Variants in RORB observed in about 807,000 individuals in gnomAD.
The protein encoded by RORB is RAR related orphan receptor B.
A neutral mutation model predicts 59.1 loss-of-function variants in RORB; 6 were observed. That is an observed-to-expected ratio of 0.10 (90% CI 0.06 to 0.20). The LOEUF (loss-of-function observed/expected upper bound fraction) is 0.20, where lower values mean the gene tolerates loss of function less well. RORB is among the 10% of genes least tolerant of loss of function. The pLI is 1.00. For missense variants in RORB, 320 were observed against 560.5 expected (o/e 0.57, Z 4.33); for synonymous variants, 215 against 204.5 (o/e 1.05, Z -0.44).
rs779457952 is a variant in RORB at position 74,667,835 on chromosome 9, T to C, written c.1045T>C (p.Leu349=). 29 of 1,613,606 alleles carry C rather than the reference T, an allele frequency of 1.8e-5. No individual in the cohort carries two copies. The East Asian group carries it at 5.8e-4, about 32-fold the overall frequency. The change falls in exon 8 of 10, where the codon TTG becomes CTG. Residue 349 remains leucine (L), a synonymous_variant. Transcript: ENST00000376896. The part of the protein sequence containing the change: ...VNEAFDFAKN[L]CSLQLTEEEI... The stretch of plus-strand genomic sequence containing the variant: ...TGAAGCATTTGACTTTGCAAAGAAT[T>C]TGTGTTCCTTGCAGCTGACCGAGGA...
At chr9:74,609,373 G>A (rs1248148236) in intron 1 of RORB, among the ~76,000 whole-genome samples, 1 of 151,974 alleles carries the variant, frequency 6.6e-6, no homozygotes, top group Admixed American at 6.6e-5. Context: ...GTTGACCCTA[G>A]GAGGTAATGA....
intron 9 of RORB, among the ~76,000 whole-genome samples, chr9:74,672,963 A>G (rs915940522): frequency 2.6e-5 from 4 of 152,218 alleles, no homozygotes; most frequent in Non-Finnish European, 5.9e-5. Flanking sequence ...TTTACTTTGC[A>G]CATACAGAGT....
In RORB at chr9:74,690,690, T is replaced by G. The variant is rs893822780; in HGVS notation, c.*5072T>G. On this transcript the variant is annotated 3_prime_UTR_variant, in exon 10 of 10. Coordinates refer to ENST00000376896, the MANE Select transcript of RORB (RefSeq NM_006914.4). ...TAGTTTTGGAAGGAGGGGATGGAGA[T>G]CTTCCCCTTCTAATACTCAATTTTG... The G allele has an allele frequency of 2.0e-5, 3 of 152,156 alleles. No homozygotes were observed. Among genetic ancestry groups the G allele is most frequent in the Non-Finnish European group, 4.4e-5 (3 of 68,020 alleles). The allele number at this position is 152,156 out of a possible 1,614,324, so 9.4% of individuals were successfully genotyped here.
chr9:74,686,518 C>T lies in RORB; in HGVS notation c.*900C>T, dbSNP rs1824648891. The T allele has an allele frequency of 6.6e-6, 1 of 152,188 alleles. No individual in the cohort carries two copies. The highest frequency in any genetic ancestry group is 1.5e-5 in the Non-Finnish European group (1 of 68,032). 9.4% of individuals were successfully genotyped at this position (152,188 alleles called of 1,614,324 possible). ...CAAACAGTAGATATTTTCTATTTTTCACCAGAACACATAAAAACACTTTTT... is the reference window on the plus strand; with the variant it reads ...CAAACAGTAGATATTTTCTATTTTTTACCAGAACACATAAAAACACTTTTT... On this transcript the variant is annotated 3_prime_UTR_variant, in exon 10 of 10. Transcript: ENST00000376896.
intron 1 of RORB, among the ~76,000 whole-genome samples, chr9:74,629,763 T>C (rs1264443426): frequency 1.3e-5 from 2 of 152,198 alleles, no homozygotes; most frequent in Non-Finnish European, 2.9e-5. Context: ...CAGTAAATAT[T>C]GGACTGATTT....
chr9:74,609,302 A>G (rs1179200005), intron 1 of RORB, among the ~76,000 whole-genome samples: 2 of 152,156 alleles, frequency 1.3e-5, no homozygotes, highest in Non-Finnish European at 2.9e-5. Context: ...TAGAAACAGA[A>G]CCCTCTTCTA....
intron 1 of RORB, among the ~76,000 whole-genome samples, chr9:74,582,543 TG>T (rs1184734817): frequency 6.6e-6 from 1 of 152,212 alleles, no homozygotes; most frequent in East Asian, 1.9e-4. Flanking sequence ...AGTGTTGTTT[TG>T]TTTGGCCCTT....
At chr9:74,672,046 A>C (rs1824355115) in intron 9 of RORB, 145 bp downstream of exon 9, 1 of 547,866 alleles carries the variant, frequency 1.8e-6, no homozygotes. Flanking sequence ...TATGCAATTT[A>C]AAAGAGAGGC....
At chr9:74,580,639 C>T (rs758215435) in intron 1 of RORB, among the ~76,000 whole-genome samples, 15 of 151,966 alleles carry the variant, frequency 9.9e-5, no homozygotes, top group East Asian at 3.9e-4. Context: ...GGAATTAAGG[C>T]CATCAAAATA....
intron 1 of RORB, among the ~76,000 whole-genome samples, chr9:74,516,923 C>A (rs939250935): frequency 5.9e-5 from 9 of 151,924 alleles, no homozygotes; most frequent in Non-Finnish European, 1.5e-5. Context: ...TATTATTATA[C>A]CCATTGTGTT....
chr9:74,511,483 T>C (rs1393497831), intron 1 of RORB, among the ~76,000 whole-genome samples: 1 of 151,818 alleles, frequency 6.6e-6, no homozygotes, highest in Non-Finnish European at 1.5e-5. Flanking sequence ...CTCTGTAGAT[T>C]AGTTGTAAGT....
intron 1 of RORB, among the ~76,000 whole-genome samples, chr9:74,549,392 C>CGAG (rs1380028070): frequency 7.0e-6 from 1 of 143,754 alleles, no homozygotes; most frequent in East Asian, 2.0e-4. Context: ...TGCAGTGAGC[C>CGAG]GAGGTCGCAT....
At chr9:74,525,519 C>T (rs1401967983) in intron 1 of RORB, among the ~76,000 whole-genome samples, 1 of 151,820 alleles carries the variant, frequency 6.6e-6, no homozygotes, top group Non-Finnish European at 1.5e-5. Context: ...TTCTATTTCC[C>T]ATCTTACATT....
chr9:74,583,497 T>C (rs1189791515), intron 1 of RORB, among the ~76,000 whole-genome samples: 3 of 152,014 alleles, frequency 2.0e-5, no homozygotes, highest in African/African-American at 7.2e-5. Flanking sequence ...AGGTTACTAA[T>C]TTGTAACCTA....
Position 74,576,501 on chromosome 9 carries a change from G to C in RORB, c.8-53781G>C, listed in dbSNP as rs554995177. On this transcript the variant is annotated intron_variant, in intron 1 of 9. Transcript: ENST00000376896. ...TCAAGATTTCATAGGGGACAAAAGA[G>C]GGCCCAGTAGGAGGGAGAAAATGGA... Among the ~76,000 whole-genome samples the C allele has an allele frequency of 3.2e-4, 48 of 152,148 alleles. No individual in the cohort carries two copies. In the South Asian group the frequency reaches 7.9e-3, roughly 25 times the overall value.
intron 1 of RORB, among the ~76,000 whole-genome samples, chr9:74,547,632 G>T (rs538669045): frequency 2.5e-4 from 38 of 152,248 alleles, no homozygotes; most frequent in African/African-American, 9.2e-4. Context: ...AGCACCCCAA[G>T]CAAGAGGAAT....
intron 7 of RORB, among the ~76,000 whole-genome samples, chr9:74,667,252 T>A (rs1824282221): frequency 6.6e-6 from 1 of 152,254 alleles, no homozygotes; most frequent in African/African-American, 2.4e-5. Context: ...AGCTCCTCAG[T>A]GAAATTTCCA....
At chr9:74,516,998 CT>C (rs1462844889) in intron 1 of RORB, among the ~76,000 whole-genome samples, 1 of 151,888 alleles carries the variant, frequency 6.6e-6, no homozygotes, top group Non-Finnish European at 1.5e-5. Context: ...GAGCTCACCC[CT>C]TTTTCAATGG....
Position 74,541,631 on chromosome 9 carries a change from T to C in RORB, c.7+43648T>C, listed in dbSNP as rs755052700. Among the ~76,000 whole-genome samples the C allele has an allele frequency of 7.9e-5, 12 of 152,228 alleles. No individual in the cohort carries two copies. The East Asian group carries it at 2.1e-3, about 27-fold the overall frequency. On this transcript the variant is annotated intron_variant, in intron 1 of 9. Coordinates refer to ENST00000376896, the MANE Select transcript of RORB (RefSeq NM_006914.4). ...GGAACAGGGCTATTTATAATGTTGA[T>C]GTGTGTTTAAACTGTGAGAGATTTG...
Sources: gnomAD v4.1 joint callset for allele counts (sites outside exome capture counted in the v4.1 genomes callset) on GRCh38, gnomAD v4.1.1 for gene constraint, MANE v1.5 for transcripts, NCBI Gene and HGNC (gene_info 2026-07-23, HGNC 2026-07-21) for gene names.